NAV2: variants seen among roughly 807,000 people sequenced by gnomAD.
The protein encoded by NAV2 is neuron navigator 2, also known as helicase, APC down-regulated 1.
A neutral mutation model predicts 223.2 loss-of-function variants in NAV2; 54 were observed. The ratio of observed to expected loss-of-function variants is 0.24; its 90% CI spans 0.19 to 0.30. The LOEUF (loss-of-function observed/expected upper bound fraction) is 0.30. Among genes scored for constraint, NAV2 ranks in the 10% least tolerant of loss-of-function variants. NAV2 has a pLI of 1.00. For synonymous variants in NAV2, 1,279 were observed against 1,239.3 expected, an observed-to-expected ratio of 1.03 and a Z score of -0.67; for missense variants, 2,806 against 3,147.5, an observed-to-expected ratio of 0.89 and a Z score of 2.60.
chr11:19,997,760 A>G (rs1285230316), intron 11 of NAV2, among the ~76,000 whole-genome samples: 2 of 152,126 alleles, frequency 1.3e-5, no homozygotes. Flanking sequence ...CTAAAAGGGG[A>G]GGGCAGGCCG....
chr11:19,725,375 C>T (rs1045731487), intron 1 of NAV2, among the ~76,000 whole-genome samples: 14 of 152,198 alleles, frequency 9.2e-5, no homozygotes, highest in South Asian at 2.1e-4. Flanking sequence ...AAGAGAGACA[C>T]ATGCAACTGA....
At chr11:19,736,910 C>T (rs747478525) in intron 1 of NAV2, among the ~76,000 whole-genome samples, 24 of 152,242 alleles carry the variant, frequency 1.6e-4, no homozygotes, top group Non-Finnish European at 2.8e-4. Context: ...TTCTGAGGGG[C>T]CCCTACCAGG....
chr11:19,455,012 T>C (rs994964981), intron 1 of NAV2, among the ~76,000 whole-genome samples: 1 of 152,212 alleles, frequency 6.6e-6, no homozygotes, highest in Non-Finnish European at 1.5e-5. Context: ...CCAGATTTAC[T>C]GAATCACAGA....
intron 1 of NAV2, among the ~76,000 whole-genome samples, chr11:19,450,289 C>T (rs1851745473): frequency 6.6e-6 from 1 of 152,176 alleles, no homozygotes; most frequent in South Asian, 2.1e-4. Flanking sequence ...CACTTAAAAT[C>T]AGCAGTATTC....
chr11:19,385,470 C>G (rs918983532), intron 1 of NAV2, among the ~76,000 whole-genome samples: 1 of 152,150 alleles, frequency 6.6e-6, no homozygotes, highest in African/African-American at 2.4e-5. Flanking sequence ...TTTTCTTGAT[C>G]CTCAGATATA....
At chr11:19,732,419 A>G (rs1362152347) in intron 1 of NAV2, among the ~76,000 whole-genome samples, 1 of 152,354 alleles carries the variant, frequency 6.6e-6, no homozygotes, top group Non-Finnish European at 1.5e-5. Flanking sequence ...GATGAAAAGT[A>G]GACCATTCAT....
At chr11:19,751,159 C>G (rs972104705) in intron 1 of NAV2, among the ~76,000 whole-genome samples, 1 of 152,180 alleles carries the variant, frequency 6.6e-6, no homozygotes, top group African/African-American at 2.4e-5. Flanking sequence ...CAAAGAAGAT[C>G]CAGTTTCCCA....
intron 1 of NAV2, among the ~76,000 whole-genome samples, chr11:19,671,641 G>T (rs984055800): frequency 1.3e-5 from 2 of 152,228 alleles, no homozygotes; most frequent in African/African-American, 4.8e-5. Context: ...TAGAGCAGGG[G>T]TTGGCAAATT....
intron 1 of NAV2, among the ~76,000 whole-genome samples, chr11:19,822,028 A>G (rs11025273): frequency 0.44 from 66,535 of 152,084 alleles, 15,791 homozygotes; most frequent in Admixed American, 0.57. Context: ...GGGGAAAATA[A>G]TATCTCCCAC....
rs140230165 is a variant in NAV2, at chr11:19,929,645, AT to A, written c.932-3530del. Among the ~76,000 whole-genome samples the A allele has an allele frequency of 7.8e-3, 1,182 of 152,308 alleles. 19 individuals carry two copies. Among genetic ancestry groups the A allele is most frequent in the African/African-American group, 0.026 (1,083 of 41,558 alleles). ...AGAAATTCTGATTCTTTGAGTTTTA[AT>A]CTGAATTTTTTCCTGAGTTTAGGCT... On this transcript the variant is annotated intron_variant, in intron 6 of 37. Transcript: ENST00000349880.
chr11:20,053,261 G>A (rs906073740), intron 17 of NAV2, among the ~76,000 whole-genome samples: 1 of 134,894 alleles, frequency 7.4e-6, no homozygotes, highest in East Asian at 2.1e-4. Context: ...AATTTCACAC[G>A]CTACTTATGG....
intron 1 of NAV2, among the ~76,000 whole-genome samples, chr11:19,586,789 C>G (rs923930212): frequency 6.6e-6 from 1 of 152,232 alleles, no homozygotes; most frequent in Non-Finnish European, 1.5e-5. Context: ...TCTGCCCCTA[C>G]TGGGGGGTGC....
intron 11 of NAV2, among the ~76,000 whole-genome samples, chr11:19,996,126 T>C (rs1281786189): frequency 1.3e-5 from 2 of 152,210 alleles, no homozygotes; most frequent in African/African-American, 4.8e-5. Flanking sequence ...AGGTGACATT[T>C]CTTCCCCAAA....
At chr11:19,948,624 A>T in intron 9 of NAV2, 67 bp from the exon 10 acceptor site, 1 of 1,445,602 alleles carries the variant, frequency 6.9e-7, no homozygotes, top group Non-Finnish European at 9.2e-7. Flanking sequence ...CTAAATAATT[A>T]AAGAACATAT....
intron 7 of NAV2, among the ~76,000 whole-genome samples, chr11:19,936,714 C>G (rs2707078): frequency 0.95 from 145,117 of 152,268 alleles, 69,575 homozygotes; most frequent in East Asian, 1. Context: ...AGTGTGGGTA[C>G]AGAGTCCGCT....
chr11:19,667,517 G>A (rs1267736368), intron 1 of NAV2, among the ~76,000 whole-genome samples: 4 of 152,196 alleles, frequency 2.6e-5, no homozygotes, highest in African/African-American at 4.8e-5. Flanking sequence ...TTGGTGTGTT[G>A]TGGGGCCCAG....
intron 8 of NAV2, among the ~76,000 whole-genome samples, chr11:19,941,775 A>T (rs1039196028): frequency 1.3e-5 from 2 of 152,168 alleles, no homozygotes; most frequent in Admixed American, 6.5e-5. Flanking sequence ...TTGTTCCTTC[A>T]TAAGGCAGCC....
chr11:19,424,815 C>T (rs1441892332), intron 1 of NAV2, among the ~76,000 whole-genome samples: 11 of 152,118 alleles, frequency 7.2e-5, no homozygotes, highest in South Asian at 4.1e-4. Context: ...CCTCCCAAAG[C>T]GCTAGGATTA....
At chr11:19,775,806 G>T (rs916744415) in intron 1 of NAV2, among the ~76,000 whole-genome samples, 1 of 152,134 alleles carries the variant, frequency 6.6e-6, no homozygotes, top group African/African-American at 2.4e-5. Flanking sequence ...ACGTGCAAAG[G>T]TCCTGAGGTA....
Sources: gnomAD v4.1 joint callset for allele counts (sites outside exome capture counted in the v4.1 genomes callset) on GRCh38, gnomAD v4.1.1 for gene constraint, MANE v1.5 for transcripts, NCBI Gene and HGNC (gene_info 2026-07-23, HGNC 2026-07-21) for gene names.